The following MGMT variants were observed in gnomAD, a reference collection of about 807,000 sequenced individuals.
MGMT encodes methylated-DNA--protein-cysteine methyltransferase.
Under a neutral mutation model 15.9 loss-of-function variants are expected in MGMT, and 14 were observed. The ratio of observed to expected loss-of-function variants is 0.88; its 90% confidence interval spans 0.58 to 1.37. The LOEUF is 1.37. Among genes scored for constraint, MGMT ranks in the 40% most tolerant of loss-of-function variants. The pLI, the probability that MGMT is intolerant of heterozygous loss-of-function variation, is 0.00. For synonymous variants in MGMT, 130 were observed against 118.2 expected (o/e 1.10, Z -0.65); for missense variants, 282 against 268.1 (o/e 1.05, Z -0.36).
chr10:129,719,465 C>T (rs1243630700), intron 3 of MGMT, among the ~76,000 whole-genome samples: 1 of 152,176 alleles, frequency 6.6e-6, no homozygotes, highest in Non-Finnish European at 1.5e-5. Flanking sequence ...AAATCTTTCT[C>T]AGCTCTGGAG....
At chr10:129,574,472 G>T (rs1343751423) in intron 2 of MGMT, among the ~76,000 whole-genome samples, 1 of 152,174 alleles carries the variant, frequency 6.6e-6, no homozygotes, top group South Asian at 2.1e-4. Context: ...GTATATTGTT[G>T]CATATATGAC....
chr10:129,678,475 G>C (rs1275415598), intron 2 of MGMT, among the ~76,000 whole-genome samples: 1 of 152,100 alleles, frequency 6.6e-6, no homozygotes, highest in Non-Finnish European at 1.5e-5. Flanking sequence ...AGCTGCTTCT[G>C]CCTCTTGGAG....
chr10:129,712,302 G>T (rs903092196), intron 3 of MGMT, among the ~76,000 whole-genome samples: 1 of 152,150 alleles, frequency 6.6e-6, no homozygotes. Context: ...TTCAACGGAC[G>T]AGTTCTGAGT....
chr10:129,572,472 A>AG lies in MGMT; in HGVS notation c.125+36096dup, dbSNP rs960132266. Among the ~76,000 whole-genome samples the AG allele has an allele frequency of 9.5e-4, 144 of 152,348 alleles. 1 individual carries two copies. The highest frequency in any genetic ancestry group is 3.3e-3 in the African/African-American group (137 of 41,580). On this transcript the variant is annotated intron_variant, in intron 2 of 4. Coordinates refer to ENST00000651593, the MANE Select transcript of MGMT (RefSeq NM_002412.5). ...CAGGGTCTTCCTGCTCTACTTACTTAGACGTCCTCAGAGTGTCTTCTGAGT... is the reference window on the plus strand; with the variant it reads ...CAGGGTCTTCCTGCTCTACTTACTTAGGACGTCCTCAGAGTGTCTTCTGAGT...
At chr10:129,677,713 G>A (rs1469567928) in intron 2 of MGMT, among the ~76,000 whole-genome samples, 2 of 152,234 alleles carry the variant, frequency 1.3e-5, no homozygotes, top group Admixed American at 6.5e-5. Flanking sequence ...CTGCTGGGAG[G>A]AGGTACTGGC....
intron 2 of MGMT, among the ~76,000 whole-genome samples, chr10:129,553,578 G>A (rs146497310): frequency 6.6e-6 from 1 of 152,308 alleles, no homozygotes; most frequent in African/African-American, 2.4e-5. Flanking sequence ...AACGCTGATG[G>A]AGCTTTCTGT....
At chr10:129,727,208 A>AG (rs1848444200) in intron 3 of MGMT, among the ~76,000 whole-genome samples, 1 of 152,134 alleles carries the variant, frequency 6.6e-6, no homozygotes, top group South Asian at 2.1e-4. Flanking sequence ...CAGGATATGG[A>AG]GGAAGTGATG....
chr10:129,659,234 G>A lies in MGMT; in HGVS notation c.126-48661G>A, dbSNP rs111402453. Among the ~76,000 whole-genome samples the A allele has an allele frequency of 2.0e-4, 31 of 152,174 alleles. No homozygotes were observed. Among genetic ancestry groups the A allele is most frequent in the African/African-American group, 6.3e-4 (26 of 41,512 alleles). Reference sequence around the variant, plus strand: ...TACCTGGGCATGGTGGTGCACACCCGTAGTCTCAGCTACTCGGGAGGCTGA... The same window carrying A: ...TACCTGGGCATGGTGGTGCACACCCATAGTCTCAGCTACTCGGGAGGCTGA... On this transcript the variant is annotated intron_variant, in intron 2 of 4. Coordinates refer to ENST00000651593, the MANE Select transcript of MGMT (RefSeq NM_002412.5). The surrounding 1 kb of genome is among the most constrained non-coding windows in gnomAD (Gnocchi z 4.1).
intron 2 of MGMT, among the ~76,000 whole-genome samples, chr10:129,565,249 A>T (rs1846340946): frequency 6.6e-6 from 1 of 152,046 alleles, no homozygotes; most frequent in Non-Finnish European, 1.5e-5. Context: ...TGTGGAGTTT[A>T]AAGAATTATA....
rs1249700374 is a variant in MGMT at position 129,658,974 on chromosome 10, A to G, written c.126-48921A>G. ...TCCATCTGTGGCATAGGTACCATTC[A>G]ATGTTATCTTAATACACTAGCTTTG... On this transcript the variant is annotated intron_variant, in intron 2 of 4. Coordinates refer to ENST00000651593, the MANE Select transcript of MGMT (RefSeq NM_002412.5). Among the ~76,000 whole-genome samples, 4 of 152,134 alleles carry G rather than the reference A, an allele frequency of 2.6e-5. No individual in the cohort carries two copies. The East Asian group carries it at 7.7e-4, about 29-fold the overall frequency.
chr10:129,767,026 G>C lies in MGMT; in HGVS notation c.*29G>C. ...TGTGCAGTAGGATGGATGTTTGAGCGACACACACGTGTAACACTGCATCGG... is the reference window on the plus strand; with the variant it reads ...TGTGCAGTAGGATGGATGTTTGAGCCACACACACGTGTAACACTGCATCGG... On this transcript the variant is annotated 3_prime_UTR_variant, in exon 5 of 5. Coordinates refer to ENST00000651593, the MANE Select transcript of MGMT (RefSeq NM_002412.5). 1 of 1,544,814 alleles carries C rather than the reference G, an allele frequency of 6.5e-7. No individual in the cohort carries two copies. The highest frequency in any genetic ancestry group is 8.8e-7 in the Non-Finnish European group (1 of 1,141,324).
At chr10:129,640,211 C>T (rs766395685) in intron 2 of MGMT, among the ~76,000 whole-genome samples, 3 of 151,782 alleles carry the variant, frequency 2.0e-5, no homozygotes, top group Non-Finnish European at 2.9e-5. Context: ...GATTCTTCTG[C>T]CTCAGCCTCC....
chr10:129,722,306 T>C lies in MGMT; in HGVS notation c.274+14263T>C, dbSNP rs547576696. ...CTTTATGTATTTAACATTAGCATTA[T>C]TAAAGATTATTATTTAAAGATATGC... is the stretch of plus-strand genomic sequence containing the variant. On this transcript the variant is annotated intron_variant, in intron 3 of 4. Transcript: ENST00000651593. Among the ~76,000 whole-genome samples, 70 of 152,304 alleles carry C rather than the reference T, an allele frequency of 4.6e-4. No homozygotes were observed. The South Asian group carries it at 0.014, about 31-fold the overall frequency.
intron 1 of MGMT, among the ~76,000 whole-genome samples, chr10:129,535,288 A>G (rs1845972969): frequency 6.6e-6 from 1 of 152,112 alleles, no homozygotes; most frequent in Non-Finnish European, 1.5e-5. Context: ...CCCAGTGCCT[A>G]AGGAGGCTGA....
At chr10:129,679,606 C>T (rs1451506030) in intron 2 of MGMT, among the ~76,000 whole-genome samples, 1 of 152,132 alleles carries the variant, frequency 6.6e-6, no homozygotes, top group African/African-American at 2.4e-5. Context: ...AGCCTGATGT[C>T]GGGACGTGCT....
chr10:129,488,463 C>T (rs1432440748), intron 1 of MGMT, among the ~76,000 whole-genome samples: 2 of 152,138 alleles, frequency 1.3e-5, no homozygotes, highest in East Asian at 3.9e-4. Context: ...GAATTCTAAT[C>T]CTTTGTCTGT....
intron 2 of MGMT, among the ~76,000 whole-genome samples, chr10:129,543,815 T>G (rs753477585): frequency 1.3e-5 from 2 of 152,184 alleles, no homozygotes; most frequent in Non-Finnish European, 2.9e-5. Context: ...TTTCATTTAA[T>G]TTTAAGTCTG....
chr10:129,618,174 C>G (rs1245908081), intron 2 of MGMT, among the ~76,000 whole-genome samples: 1 of 152,106 alleles, frequency 6.6e-6, no homozygotes, highest in Admixed American at 6.5e-5. Flanking sequence ...TCTTTGGTAT[C>G]CCTAGAAAAC....
Position 129,536,393 on chromosome 10 carries a change from C to A in MGMT, c.125+16C>A, listed in dbSNP as rs530759412. 4 of 1,608,496 alleles carry A rather than the reference C, an allele frequency of 2.5e-6. No individual in the cohort carries two copies. Among genetic ancestry groups the A allele is most frequent in the Non-Finnish European group, 3.4e-6 (4 of 1,178,476 alleles). On this transcript the variant is annotated intron_variant, in intron 2 of 4. Coordinates refer to ENST00000651593, the MANE Select transcript of MGMT (RefSeq NM_002412.5). ...CTGCAGCTGAGTAAGTATGAGCCCA[C>A]GTGATCCTGTATACCGCACATGCTG...
Sources: allele counts gnomAD v4.1 joint callset (sites outside exome capture counted in the v4.1 genomes callset), GRCh38; gene constraint gnomAD v4.1.1; non-coding constraint Gnocchi (gnomAD v3.1); transcripts MANE v1.5; gene names NCBI Gene and HGNC (gene_info 2026-07-23, HGNC 2026-07-21).